The following XRRA1 variants were observed in gnomAD, a reference collection of about 807,000 sequenced individuals.
XRRA1 encodes the protein X-ray radiation resistance-associated protein 1.
A neutral mutation model predicts 80.2 loss-of-function variants in XRRA1; 69 were observed. The observed-to-expected ratio is 0.86, with a 90% CI of 0.71 to 1.05. The LOEUF is 1.05. Ranked by LOEUF, XRRA1 falls within the 50% of genes least tolerant of loss-of-function variation. The probability of loss-of-function intolerance (pLI) is 0.00; values close to 1 mark genes in which losing one functional copy is unlikely to be tolerated. For missense variants in XRRA1, 967 were observed against 976.4 expected (o/e 0.99, Z 0.13); for synonymous variants, 348 against 389.9 (o/e 0.89, Z 1.27).
In XRRA1 at chr11:74,843,263, G is replaced by A; in HGVS notation, c.2340C>T (p.Gly780=). ...ACTCATCCATGAACTCGAGGAAGTG[G>A]CCGAACTTGGGCTGGCTCTCACTCA... ...PALSESQPKF[G]HFLEFMDEFC... Residue 780 remains glycine (G), a synonymous_variant, in exon 19 of 19, where the codon GGC becomes GGT. Transcript: ENST00000684022. The A allele has an allele frequency of 6.3e-7, 1 of 1,575,328 alleles. No homozygotes were observed. Among genetic ancestry groups the A allele is most frequent in the Non-Finnish European group, 8.6e-7 (1 of 1,160,606 alleles).
At chr11:74,939,844 AG>A (rs1441957418) in intron 3 of XRRA1, among the ~76,000 whole-genome samples, 9 of 45,978 alleles carry the variant, frequency 2.0e-4, no homozygotes, top group African/African-American at 6.6e-4. Context: ...AGAGTGACAT[AG>A]AGAGAGAGAG....
chr11:74,872,654 C>T (rs2045107085), intron 10 of XRRA1, among the ~76,000 whole-genome samples: 1 of 152,044 alleles, frequency 6.6e-6, no homozygotes, highest in South Asian at 2.1e-4. Flanking sequence ...TCAGACTGCC[C>T]CTGGAGATGG....
At position 74,908,057 on chromosome 11, in the gene XRRA1, TGTATGCCACCCACACA is replaced by T. The variant is rs1386190452; in HGVS notation, c.657-800_657-785del. Among the ~76,000 whole-genome samples the T allele has an allele frequency of 2.6e-5, 4 of 152,156 alleles. 1 individual carries two copies. Among genetic ancestry groups the T allele is most frequent in the Non-Finnish European group, 5.9e-5 (4 of 68,040 alleles). The stretch of plus-strand genomic sequence containing the variant: ...AACGTTTTCATTCTTCCCTCCATAC[TGTATGCCACCCACACA>T]CCAAAATAGTACACATAGGCACAAA... On this transcript the variant is annotated intron_variant, in intron 8 of 18. Transcript: ENST00000684022.
At chr11:74,875,392 C>G (rs2045819543) in intron 10 of XRRA1, among the ~76,000 whole-genome samples, 1 of 152,150 alleles carries the variant, frequency 6.6e-6, no homozygotes, top group South Asian at 2.1e-4. Context: ...TACTTTTCAG[C>G]TCTCAGGATG....
intron 10 of XRRA1, among the ~76,000 whole-genome samples, chr11:74,889,455 A>C (rs1262523249): frequency 1.3e-5 from 2 of 152,234 alleles, no homozygotes; most frequent in Admixed American, 6.5e-5. Context: ...AAACATGCCA[A>C]ATTGTAAAGA....
Position 74,949,057 on chromosome 11 carries a change from C to T in XRRA1, c.-202G>A. The T allele has an allele frequency of 2.3e-6, 1 of 442,980 alleles. No homozygotes were observed. The highest frequency in any genetic ancestry group is 2.7e-5 in the South Asian group (1 of 36,406). The allele number at this position is 442,980 out of a possible 1,614,324, so 27.4% of individuals were successfully genotyped here. On this transcript the variant is annotated 5_prime_UTR_variant, in exon 1 of 19. Transcript: ENST00000684022. The stretch of plus-strand genomic sequence containing the variant: ...CTGCGGTGCCTGCCGCTATCTTCCC[C>T]ACGCCTTAGTAACTGCGACGCGACG...
At position 74,844,150 on chromosome 11, in the gene XRRA1, A is replaced by G. The variant is rs925195615; in HGVS notation, c.2043+18T>C. On this transcript the variant is annotated intron_variant, in intron 17 of 18. Transcript: ENST00000684022. ...GTACTCAGGGGCCATTTACACATTCAGTGAGCTGGATGTTTACCCGTTTCT... is the reference window on the plus strand; with the variant it reads ...GTACTCAGGGGCCATTTACACATTCGGTGAGCTGGATGTTTACCCGTTTCT... 3 of 1,608,210 alleles carry G rather than the reference A, an allele frequency of 1.9e-6. No individual in the cohort carries two copies. The African/African-American group carries it at 4.0e-5, about 22-fold the overall frequency.
At chr11:74,888,033 G>A (rs1323295138) in intron 10 of XRRA1, among the ~76,000 whole-genome samples, 5 of 152,264 alleles carry the variant, frequency 3.3e-5, no homozygotes, top group African/African-American at 7.2e-5. Context: ...AGAATCCTCC[G>A]CAGACTTAAA....
intron 11 of XRRA1, among the ~76,000 whole-genome samples, chr11:74,860,262 C>G (rs967822576): frequency 6.6e-6 from 1 of 152,214 alleles, no homozygotes; most frequent in African/African-American, 2.4e-5. Flanking sequence ...TGTTTGGGAA[C>G]TCAGATGACT....
Position 74,906,372 on chromosome 11 carries a change from G to A in XRRA1, c.870C>T (p.Asp290=), listed in dbSNP as rs757439596. 1.9e-6 allele frequency: 3 copies of A among 1,614,008 alleles called. No homozygotes were observed. In the South Asian group the frequency reaches 3.3e-5, roughly 18 times the overall value. Residue 290 remains aspartate, a synonymous_variant, in exon 10 of 19, where the codon GAC becomes GAT. Coordinates refer to ENST00000684022, the MANE Select transcript of XRRA1 (RefSeq NM_001378157.1). Reference sequence around the variant, plus strand: ...GGGGACTTCCCCTGCCTCCATTCCAGTCTACTGACTCGTCATAGAGCTGAA... The same window carrying A: ...GGGGACTTCCCCTGCCTCCATTCCAATCTACTGACTCGTCATAGAGCTGAA... ...QQVQLYDESV[D]WNGGRGSPHK...
chr11:74,943,524 G>GGTGTGTGTGTGTGTGTGTGTGT (rs67590742), intron 2 of XRRA1, among the ~76,000 whole-genome samples: 2,301 of 137,686 alleles, frequency 0.017, 87 homozygotes, highest in East Asian at 0.049. Context: ...AGAGTAGGAG[G>GGTGTGTGTGTGTGTGTGTGTGT]GTGTGTGTGT....
chr11:74,881,985 C>A (rs1246838059), intron 10 of XRRA1, among the ~76,000 whole-genome samples: 1 of 145,732 alleles, frequency 6.9e-6, no homozygotes, highest in African/African-American at 2.6e-5. Flanking sequence ...AATTATGTGT[C>A]TTGGAGTTGC....
At chr11:74,888,948 C>T (rs538521472) in intron 10 of XRRA1, among the ~76,000 whole-genome samples, 224 of 152,208 alleles carry the variant, frequency 1.5e-3, no homozygotes, top group Middle Eastern at 3.4e-3. Flanking sequence ...CTGAAAGTTA[C>T]GGGGAGAATG....
chr11:74,845,002 G>A (rs2037665991), intron 16 of XRRA1, 71 bp downstream of exon 16: 3 of 1,513,014 alleles, frequency 2.0e-6, no homozygotes, highest in Admixed American at 3.5e-5. Flanking sequence ...GCCAGCCTTG[G>A]CTTGACCCTG....
At chr11:74,854,876 C>T (rs2135695661) in intron 12 of XRRA1, among the ~76,000 whole-genome samples, 1 of 151,916 alleles carries the variant, frequency 6.6e-6, no homozygotes, top group South Asian at 2.1e-4. Context: ...TACAAAACAA[C>T]AACAACAACA....
chr11:74,898,207 C>G (rs534040599), intron 10 of XRRA1, among the ~76,000 whole-genome samples: 1 of 151,478 alleles, frequency 6.6e-6, no homozygotes, highest in African/African-American at 2.4e-5. Flanking sequence ...TTTAAAATAA[C>G]GGGTTATAAG....
Position 74,848,323 on chromosome 11 carries a change from G to C in XRRA1, c.1520C>G (p.Thr507Ser), listed in dbSNP as rs1275199350. 1 of 1,613,980 alleles carries C rather than the reference G, an allele frequency of 6.2e-7. No homozygotes were observed. Among genetic ancestry groups the C allele is most frequent in the Non-Finnish European group, 8.5e-7 (1 of 1,179,872 alleles). ...LAEDLPTTKS[T>S]SVESEMPTEN... ...AGTGGGCATCTCTGACTCCACAGAA[G>C]TGCTTTTGGTAGTGGGCAGATCTTC... The change falls in exon 15 of 19, where the codon ACT becomes AGT. Residue 507 changes from threonine (T) to serine (S), a missense_variant. By Grantham distance (58) the Thr-to-Ser change is moderately conservative. Coordinates refer to ENST00000684022, the MANE Select transcript of XRRA1 (RefSeq NM_001378157.1).
chr11:74,849,259 A>G (rs1271173719), intron 14 of XRRA1, among the ~76,000 whole-genome samples: 1 of 152,164 alleles, frequency 6.6e-6, no homozygotes. Context: ...CTGTAGTTAG[A>G]AAAATGTGGG....
At chr11:74,944,638 CTT>C (rs1225944547) in intron 2 of XRRA1, among the ~76,000 whole-genome samples, 1 of 152,182 alleles carries the variant, frequency 6.6e-6, no homozygotes, top group African/African-American at 2.4e-5. Flanking sequence ...GCACTTATGA[CTT>C]TATTATAATT....
Sources: allele counts gnomAD v4.1 joint callset (sites outside exome capture counted in the v4.1 genomes callset), GRCh38; gene constraint gnomAD v4.1.1; transcripts MANE v1.5; gene names NCBI Gene and HGNC (gene_info 2026-07-23, HGNC 2026-07-21).